MUC13: variants seen among roughly 807,000 people sequenced by gnomAD.
MUC13 encodes mucin 13, cell surface associated.
Under a neutral mutation model 48.3 loss-of-function variants are expected in MUC13, and 32 were observed. The observed-to-expected ratio is 0.66, with a 90% CI of 0.50 to 0.89. The LOEUF is 0.89. MUC13 is among the 40% of genes least tolerant of loss of function. MUC13 has a pLI of 0.00. For synonymous variants in MUC13, 199 were observed against 224.9 expected (o/e 0.88, Z 1.03); for missense variants, 571 against 622.8 (o/e 0.92, Z 0.88).
rs1935303111 is a variant in MUC13 at position 124,905,640 on chromosome 3, G to C, written c.*1103C>G. The C allele has an allele frequency of 6.5e-6, 1 of 153,108 alleles. No homozygotes were observed. Among genetic ancestry groups the C allele is most frequent in the African/African-American group, 2.4e-5 (1 of 41,396 alleles). 9.5% of individuals were successfully genotyped at this position (153,108 alleles called of 1,614,324 possible). A position where few individuals can be genotyped will look rare whatever the true frequency, so the allele number is the denominator to read the frequency against. On this transcript the variant is annotated 3_prime_UTR_variant, in exon 12 of 12. Transcript: ENST00000616727. Reference sequence around the variant, plus strand: ...GGTTGTGTGTGTGTGGTTGTGTGTTGGTGGCCACAGCTGAGCCTCTGTCAC... The same window carrying C: ...GGTTGTGTGTGTGTGGTTGTGTGTTCGTGGCCACAGCTGAGCCTCTGTCAC...
chr3:124,922,536 C>T (rs998872599), intron 3 of MUC13, among the ~76,000 whole-genome samples: 8 of 150,598 alleles, frequency 5.3e-5, no homozygotes, highest in Non-Finnish European at 1.0e-4. Context: ...CAAGTTTATG[C>T]CATATTTTTT....
intron 3 of MUC13, 21 bp downstream of exon 3, chr3:124,923,506 G>A: frequency 6.2e-7 from 1 of 1,610,316 alleles, no homozygotes; most frequent in Non-Finnish European, 8.5e-7. Context: ...GCTCAGCCAT[G>A]GCTCATCCCT....
At chr3:124,910,357 G>A in intron 10 of MUC13, 58 bp downstream of exon 10, 2 of 1,581,488 alleles carry the variant, frequency 1.3e-6, no homozygotes, top group Non-Finnish European at 1.7e-6. Flanking sequence ...AACATAGTGA[G>A]ACCCCCCCAT....
intron 1 of MUC13, among the ~76,000 whole-genome samples, chr3:124,932,225 G>C (rs1455550880): frequency 1.3e-5 from 2 of 152,156 alleles, no homozygotes; most frequent in Admixed American, 6.5e-5. Context: ...TGCATTACTT[G>C]TATAACTTTT....
intron 5 of MUC13, among the ~76,000 whole-genome samples, chr3:124,917,267 C>T (rs1467342941): frequency 6.6e-6 from 1 of 152,054 alleles, no homozygotes; most frequent in Non-Finnish European, 1.5e-5. Context: ...TAAAAACATT[C>T]ACTATCTGAT....
At chr3:124,917,988 C>T (rs1006239617) in intron 5 of MUC13, among the ~76,000 whole-genome samples, 4 of 152,088 alleles carry the variant, frequency 2.6e-5, no homozygotes, top group African/African-American at 9.7e-5. Context: ...ACATTGGAGC[C>T]ACTGCACACT....
intron 5 of MUC13, among the ~76,000 whole-genome samples, chr3:124,919,553 G>C (rs886358647): frequency 2.6e-5 from 4 of 151,966 alleles, no homozygotes; most frequent in African/African-American, 9.7e-5. Flanking sequence ...GATGTAAATG[G>C]TGCATTGCTA....
rs538688612 is a variant in MUC13, at chr3:124,913,152, G to A, written c.1173C>T (p.Cys391=). 402 of 1,613,916 alleles carry A rather than the reference G, an allele frequency of 2.5e-4. 1 individual carries two copies. In the South Asian group the frequency reaches 3.9e-3, roughly 16 times the overall value. The change falls in exon 8 of 12, where the codon TGC becomes TGT. Residue 391 remains cysteine, a synonymous_variant. Coordinates refer to ENST00000616727, the MANE Select transcript of MUC13 (RefSeq NM_033049.4). The part of the protein sequence containing the change: ...KKSGGAPECA[C]VPGYQEDANG... Reference sequence around the variant, plus strand: ...TAGCATCTTCCTGGTAGCCGGGCACGCACGCACACTCAGGGGCCCCACCAC... The same window carrying A: ...TAGCATCTTCCTGGTAGCCGGGCACACACGCACACTCAGGGGCCCCACCAC...
chr3:124,912,022 T>A (rs913846608), intron 9 of MUC13, 82 bp downstream of exon 9: 14 of 1,539,244 alleles, frequency 9.1e-6, no homozygotes, highest in South Asian at 6.0e-5. Flanking sequence ...TTTGAAGGAC[T>A]GGGCAGGATG....
At chr3:124,910,808 C>A (rs7621768) in intron 9 of MUC13, among the ~76,000 whole-genome samples, 1 of 152,002 alleles carries the variant, frequency 6.6e-6, no homozygotes, top group Non-Finnish European at 1.5e-5. Flanking sequence ...GGCCACACCT[C>A]CCTCCTTACC....
intron 6 of MUC13, 37 bp downstream of exon 6, chr3:124,916,280 T>C: frequency 1.3e-6 from 2 of 1,552,358 alleles, no homozygotes; most frequent in Non-Finnish European, 1.8e-6. Flanking sequence ...TAGGTAGGTC[T>C]TCAGGTGAAC....
chr3:124,909,895 C>G (rs1355348926), intron 10 of MUC13, among the ~76,000 whole-genome samples: 1 of 151,830 alleles, frequency 6.6e-6, no homozygotes, highest in Non-Finnish European at 1.5e-5. Flanking sequence ...CCAAAAAAAA[C>G]CTCAATCCAA....
intron 4 of MUC13, 118 bp from the exon 5 acceptor site, chr3:124,920,407 G>A: frequency 1.3e-6 from 1 of 751,688 alleles, no homozygotes; most frequent in Non-Finnish European, 2.2e-6. Context: ...GATCCAACTG[G>A]GTAGAAAATG....
Position 124,908,278 on chromosome 3 carries a change from G to A in MUC13, c.1408C>T (p.Arg470Trp), listed in dbSNP as rs556549990. 25 of 1,614,140 alleles carry A rather than the reference G, an allele frequency of 1.5e-5. No homozygotes were observed. The East Asian group carries it at 2.9e-4, about 19-fold the overall frequency. Residue 470 changes from arginine to tryptophan, a missense_variant, in exon 11 of 12, where the codon CGG becomes TGG. Coordinates refer to ENST00000616727, the MANE Select transcript of MUC13 (RefSeq NM_033049.4). ...CCAAGATTGGTGAAGCCTGTCGACCGCAGTTTTAGATTTTGAAAGTCTTCG... is the reference window on the plus strand; with the variant it reads ...CCAAGATTGGTGAAGCCTGTCGACCACAGTTTTAGATTTTGAAAGTCTTCG... The part of the protein sequence containing the change: ...IDEDFQNLKL[R>W]STGFTNLGAE...
At chr3:124,932,076 T>C (rs1388539023) in intron 1 of MUC13, among the ~76,000 whole-genome samples, 1 of 152,000 alleles carries the variant, frequency 6.6e-6, no homozygotes, top group African/African-American at 2.4e-5. Flanking sequence ...AAAATAAATA[T>C]TTTTTTCAAA....
chr3:124,910,380 A>G, intron 10 of MUC13, 35 bp downstream of exon 10: 2 of 1,599,364 alleles, frequency 1.3e-6, no homozygotes, highest in Middle Eastern at 3.4e-4. Flanking sequence ...CTCTATAAAA[A>G]AAAAAAATTT....
chr3:124,921,702 T>A (rs1935595628), intron 4 of MUC13, among the ~76,000 whole-genome samples: 1 of 152,218 alleles, frequency 6.6e-6, no homozygotes, highest in South Asian at 2.1e-4. Context: ...TATTCAGATG[T>A]AATTCTTCTT....
rs574307236 is a variant in MUC13 at position 124,910,564 on chromosome 3, G to A, written c.1253-65C>T. 4 of 1,596,242 alleles carry A rather than the reference G, an allele frequency of 2.5e-6. No homozygotes were observed. The East Asian group carries it at 6.8e-5, about 27-fold the overall frequency. On this transcript the variant is annotated intron_variant, in intron 9 of 11. Transcript: ENST00000616727. ...TGGCCCCCAACTGTCTACTGCACAG[G>A]TTCGTGTATTCCCAGGGACTCCTAG...
chr3:124,921,048 A>AT (rs1171216009), intron 4 of MUC13, among the ~76,000 whole-genome samples: 2 of 152,162 alleles, frequency 1.3e-5, no homozygotes, highest in Non-Finnish European at 2.9e-5. Context: ...TCCACGATAC[A>AT]TTTTTTACAT....
Sources: allele counts gnomAD v4.1 joint callset (sites outside exome capture counted in the v4.1 genomes callset), GRCh38; gene constraint gnomAD v4.1.1; transcripts MANE v1.5; gene names NCBI Gene and HGNC (gene_info 2026-07-23, HGNC 2026-07-21).